The following RASA3 variants were observed in gnomAD, a reference collection of about 807,000 sequenced individuals.
The protein encoded by RASA3 is ras GTPase-activating protein 3.
Under a neutral mutation model 110.0 loss-of-function variants are expected in RASA3, and 73 were observed. The observed-to-expected ratio is 0.66, with a 90% CI of 0.55 to 0.81. RASA3 has a LOEUF of 0.81. RASA3 is among the 30% of genes least tolerant of loss of function. The pLI, the probability that RASA3 is intolerant of heterozygous loss-of-function variation, is 0.00. For missense variants in RASA3, 976 were observed against 1,113.2 expected, an observed-to-expected ratio of 0.88 and a Z score of 1.75; for synonymous variants, 500 against 451.4, an observed-to-expected ratio of 1.11 and a Z score of -1.37.
At chr13:114,007,629 C>A (rs757515911) in intron 17 of RASA3, 23 bp from the exon 18 acceptor site, 1 of 1,588,714 alleles carries the variant, frequency 6.3e-7, no homozygotes, top group Non-Finnish European at 8.6e-7. Flanking sequence ...GAAATCAGGT[C>A]ACCGGGAGGA....
chr13:114,125,302 G>A (rs561086788), intron 1 of RASA3, among the ~76,000 whole-genome samples: 2 of 152,266 alleles, frequency 1.3e-5, no homozygotes, highest in East Asian at 1.9e-4. Flanking sequence ...CAAAATAAAC[G>A]AGGTTTATTG....
At chr13:113,990,057 C>T (rs560151900) in intron 22 of RASA3, among the ~76,000 whole-genome samples, 4 of 152,126 alleles carry the variant, frequency 2.6e-5, no homozygotes, top group South Asian at 2.1e-4. Context: ...GTTGTTTGGA[C>T]GTGTGTGGCA....
At chr13:114,077,857 C>T (rs2079718333) in intron 1 of RASA3, 1 of 984,494 alleles carries the variant, frequency 1.0e-6, no homozygotes, top group Non-Finnish European at 1.2e-6. Context: ...TTTTAATCTA[C>T]TTTTGCTATG....
chr13:114,002,547 G>A (rs953373511), intron 18 of RASA3, among the ~76,000 whole-genome samples: 23 of 152,338 alleles, frequency 1.5e-4, no homozygotes, highest in Non-Finnish European at 2.6e-4. Context: ...GGGCAACAGG[G>A]CGCCTCTGAG....
At position 114,124,809 on chromosome 13, in the gene RASA3, G is replaced by A. The variant is rs117669424; in HGVS notation, c.55+7626C>T. On this transcript the variant is annotated intron_variant, in intron 1 of 23. Transcript: ENST00000334062. Reference sequence around the variant, plus strand: ...AGTTATTTTCTTTCTCGGCCTTGGCGTCCTCCACAGCCGACACTGTTCTTG... The same window carrying A: ...AGTTATTTTCTTTCTCGGCCTTGGCATCCTCCACAGCCGACACTGTTCTTG... 4.5e-4 allele frequency among the ~76,000 whole-genome samples: 68 copies of A among 152,350 alleles called. No homozygotes were observed. In the East Asian group the frequency reaches 0.011, roughly 24 times the overall value.
intron 1 of RASA3, among the ~76,000 whole-genome samples, chr13:114,106,910 C>G (rs1225248673): frequency 6.6e-6 from 1 of 152,222 alleles, no homozygotes; most frequent in Non-Finnish European, 1.5e-5. Context: ...TTAAAATGTT[C>G]TTAATTACAA....
Position 113,977,863 on chromosome 13 carries a change from A to C in RASA3, c.*1484T>G, listed in dbSNP as rs899698246. ...TAGTATTTTATAAACAGAAACATTA[A>C]GTTATAAATCCATGTTAAAAATTGC... On this transcript the variant is annotated 3_prime_UTR_variant, in exon 24 of 24. Coordinates refer to ENST00000334062, the MANE Select transcript of RASA3 (RefSeq NM_007368.4). 2 of 152,458 alleles carry C rather than the reference A, an allele frequency of 1.3e-5. No individual in the cohort carries two copies. The highest frequency in any genetic ancestry group is 2.9e-5 in the Non-Finnish European group (2 of 68,052). 9.4% of individuals were successfully genotyped at this position (152,458 alleles called of 1,614,324 possible).
chr13:114,032,845 T>C (rs867674621), intron 4 of RASA3, among the ~76,000 whole-genome samples: 18 of 30,984 alleles, frequency 5.8e-4, no homozygotes, highest in Admixed American at 9.4e-4. Context: ...CCACACTTGA[T>C]ACCACGTTCC....
rs573442402 is a variant in RASA3, at chr13:114,088,885, G to T, written c.56-15048C>A. Among the ~76,000 whole-genome samples, 6 of 152,272 alleles carry T rather than the reference G, an allele frequency of 3.9e-5. No homozygotes were observed. In the South Asian group the frequency reaches 1.0e-3, roughly 26 times the overall value. On this transcript the variant is annotated intron_variant, in intron 1 of 23. Coordinates refer to ENST00000334062, the MANE Select transcript of RASA3 (RefSeq NM_007368.4). Reference sequence around the variant, plus strand: ...CAAATTAATTTTCACATGGTAAAATGTTCCCTGGTTACTAATAACAATAAA... The same window carrying T: ...CAAATTAATTTTCACATGGTAAAATTTTCCCTGGTTACTAATAACAATAAA...
At chr13:114,038,743 T>C (rs1446333563) in intron 4 of RASA3, among the ~76,000 whole-genome samples, 1 of 151,826 alleles carries the variant, frequency 6.6e-6, no homozygotes, top group Non-Finnish European at 1.5e-5. Context: ...AGGACGAGGG[T>C]TCCCGAGGGA....
At chr13:114,099,195 C>A (rs1436528705) in intron 1 of RASA3, among the ~76,000 whole-genome samples, 1 of 151,182 alleles carries the variant, frequency 6.6e-6, no homozygotes, top group Non-Finnish European at 1.5e-5. Context: ...CCACCCGAGC[C>A]CCCCAGACCA....
At chr13:114,087,939 G>A (rs2079842912) in intron 1 of RASA3, among the ~76,000 whole-genome samples, 1 of 152,230 alleles carries the variant, frequency 6.6e-6, no homozygotes, top group African/African-American at 2.4e-5. Flanking sequence ...AGACCAGCCT[G>A]GCCAACATAG....
In RASA3 at chr13:114,065,174, G is replaced by C. The variant is rs905852382; in HGVS notation, c.173+8546C>G. Among the ~76,000 whole-genome samples, 1 of 152,210 alleles carries C rather than the reference G, an allele frequency of 6.6e-6. No individual in the cohort carries two copies. Among genetic ancestry groups the C allele is most frequent in the Non-Finnish European group, 1.5e-5 (1 of 68,034 alleles). On this transcript the variant is annotated intron_variant, in intron 2 of 23. Coordinates refer to ENST00000334062, the MANE Select transcript of RASA3 (RefSeq NM_007368.4). The surrounding 1 kb of genome is among the most constrained non-coding windows in gnomAD (Gnocchi z 4.1). Reference sequence around the variant, plus strand: ...GAGCCTGGAGCAGGGGCTCAGCTGGGACCAGCAGAGAAACCCCCGCCTTCT... The same window carrying C: ...GAGCCTGGAGCAGGGGCTCAGCTGGCACCAGCAGAGAAACCCCCGCCTTCT...
chr13:114,076,202 G>C (rs1003532733), intron 1 of RASA3, among the ~76,000 whole-genome samples: 1 of 152,250 alleles, frequency 6.6e-6, no homozygotes, highest in African/African-American at 2.4e-5. Flanking sequence ...CTCCGGCTCT[G>C]AGACGCCTCT....
At chr13:114,042,137 C>T (rs1219695088) in intron 3 of RASA3, among the ~76,000 whole-genome samples, 5 of 152,258 alleles carry the variant, frequency 3.3e-5, no homozygotes, top group Admixed American at 6.5e-5. Context: ...TATACGTTCA[C>T]CTCATTCCAG....
chr13:114,100,157 C>T (rs531977583), intron 1 of RASA3, among the ~76,000 whole-genome samples: 106 of 151,478 alleles, frequency 7.0e-4, no homozygotes, highest in African/African-American at 2.2e-3. Flanking sequence ...AGGAAGACGC[C>T]GAATGGTAAA....
chr13:114,058,332 C>T (rs1056593730), intron 2 of RASA3, among the ~76,000 whole-genome samples: 6 of 152,120 alleles, frequency 3.9e-5, no homozygotes, highest in South Asian at 2.1e-4. Flanking sequence ...GCGGATTCCT[C>T]GGGCGTGAGG....
At chr13:114,128,998 A>G (rs1267908220) in intron 1 of RASA3, among the ~76,000 whole-genome samples, 1 of 152,218 alleles carries the variant, frequency 6.6e-6, no homozygotes, top group East Asian at 1.9e-4. Flanking sequence ...ATGTATCAAG[A>G]TAAGGCGCCA....
At chr13:114,019,203 G>T (rs1378716851) in intron 9 of RASA3, among the ~76,000 whole-genome samples, 1 of 152,212 alleles carries the variant, frequency 6.6e-6, no homozygotes, top group African/African-American at 2.4e-5. Flanking sequence ...TCCGGGAACC[G>T]GCACAGAAGT....
Sources: allele counts gnomAD v4.1 joint callset (sites outside exome capture counted in the v4.1 genomes callset), GRCh38; gene constraint gnomAD v4.1.1; non-coding constraint Gnocchi (gnomAD v3.1); transcripts MANE v1.5; gene names NCBI Gene and HGNC (gene_info 2026-07-23, HGNC 2026-07-21).